The following PTGDR variants were observed in gnomAD, a reference collection of about 807,000 sequenced individuals.
PTGDR encodes prostaglandin D2 receptor.
Under a neutral mutation model 17.4 loss-of-function variants are expected in PTGDR, and 19 were observed. That is an observed-to-expected ratio of 1.09 (90% CI 0.76 to 1.60). PTGDR has a LOEUF of 1.60. PTGDR is among the 40% of genes most tolerant of loss of function. The pLI is 0.00. For synonymous variants in PTGDR, 267 were observed against 224.2 expected (o/e 1.19, Z -1.71); for missense variants, 526 against 481.9 (o/e 1.09, Z -0.86).
intron 1 of PTGDR, among the ~76,000 whole-genome samples, 172 bp from the exon 2 acceptor site, chr14:52,274,559 G>T (rs1183236980): frequency 6.6e-6 from 1 of 152,042 alleles, no homozygotes; most frequent in Non-Finnish European, 1.5e-5. Flanking sequence ...CACCTTCCCA[G>T]CTCCCCACTT....
chr14:52,270,286 G>A (rs41312464), intron 1 of PTGDR, among the ~76,000 whole-genome samples: 2,001 of 152,234 alleles, frequency 0.013, 25 homozygotes, highest in Non-Finnish European at 0.024. Flanking sequence ...GGTGACTCAC[G>A]CCTGTAATCA....
Position 52,275,170 on chromosome 14 carries a change from A to T in PTGDR, c.*206A>T, listed in dbSNP as rs1450057964. The T allele has an allele frequency of 2.0e-6, 1 of 496,342 alleles. No homozygotes were observed. Among genetic ancestry groups the T allele is most frequent in the Admixed American group, 3.7e-5 (1 of 27,246 alleles). 30.7% of individuals were successfully genotyped at this position (496,342 alleles called of 1,614,324 possible). On this transcript the variant is annotated 3_prime_UTR_variant, in exon 2 of 2. Transcript: ENST00000306051. The stretch of plus-strand genomic sequence containing the variant: ...TCATGAACCCCTTCAGTGCATTTTC[A>T]TTTTTTTATTAACAGCAACTAAAAT...
Position 52,267,755 on chromosome 14 carries a change from C to A in PTGDR, c.-60C>A. 6.7e-7 allele frequency: 1 copy of A among 1,488,770 alleles called. No homozygotes were observed. The highest frequency in any genetic ancestry group is 8.9e-7 in the Non-Finnish European group (1 of 1,123,222). The allele number at this position is 1,488,770 out of a possible 1,614,324, so 92.2% of individuals were successfully genotyped here. A position where few individuals can be genotyped will look rare whatever the true frequency, so the allele number is the denominator to read the frequency against. ...GAGCTGCCGGGGGCTCCTTAGCACC[C>A]GGGCGCCGGGGCCCTCGCCCTTCCG... On this transcript the variant is annotated 5_prime_UTR_variant, in exon 1 of 2. Transcript: ENST00000306051.
Position 52,267,811 on chromosome 14 carries a change from C to A in PTGDR, c.-4C>A. On this transcript the variant is annotated 5_prime_UTR_variant, in exon 1 of 2. Coordinates refer to ENST00000306051, the MANE Select transcript of PTGDR (RefSeq NM_000953.3). The stretch of plus-strand genomic sequence containing the variant: ...TTCACTCCAGCCCTCTGCTCCCGCA[C>A]GCCATGAAGTCGCCGTTCTACCGCT... 6.5e-7 allele frequency: 1 copy of A among 1,549,412 alleles called. No homozygotes were observed. Among genetic ancestry groups the A allele is most frequent in the Non-Finnish European group, 8.7e-7 (1 of 1,147,402 alleles).
downstream of PTGDR, among the ~76,000 whole-genome samples, chr14:52,277,585 A>C (rs530039747): frequency 2.6e-5 from 4 of 152,338 alleles, no homozygotes; most frequent in South Asian, 8.3e-4. Flanking sequence ...CCCTTTCTTG[A>C]TAGCAACCCA....
chr14:52,272,304 C>CA lies in PTGDR; in HGVS notation c.847-2419dup, dbSNP rs978343195. ...GCAACACAGTGAGACCCTGCCTCTACAAAAAAAATAAAAATAACTAGCCAG... is the reference window on the plus strand; with the variant it reads ...GCAACACAGTGAGACCCTGCCTCTACAAAAAAAAATAAAAATAACTAGCCAG... On this transcript the variant is annotated intron_variant, in intron 1 of 1. Transcript: ENST00000306051. Among the ~76,000 whole-genome samples the CA allele has an allele frequency of 1.1e-4, 17 of 151,164 alleles. 1 individual carries two copies. The highest frequency in any genetic ancestry group is 3.3e-4 in the Admixed American group (5 of 15,196).
intron 1 of PTGDR, among the ~76,000 whole-genome samples, chr14:52,273,617 T>G (rs41312484): frequency 6.6e-6 from 1 of 152,040 alleles, no homozygotes; most frequent in Non-Finnish European, 1.5e-5. Context: ...ATGCACTAGA[T>G]TGGAGTGGCT....
rs773547715 is a variant in PTGDR, at chr14:52,268,577, C to T, written c.763C>T (p.Pro255Ser). Residue 255 changes from proline to serine, a missense_variant, in exon 1 of 2, where the codon CCT (proline) becomes TCT (serine). By Grantham distance (74) the Pro-to-Ser change is moderately conservative. Coordinates refer to ENST00000306051, the MANE Select transcript of PTGDR (RefSeq NM_000953.3). ...EPRADGREAS[P>S]QPLEELDHLL... Reference sequence around the variant, plus strand: ...GCGCGCGGACGGGAGGGAAGCGTCCCCTCAGCCCCTGGAGGAGCTGGATCA... The same window carrying T: ...GCGCGCGGACGGGAGGGAAGCGTCCTCTCAGCCCCTGGAGGAGCTGGATCA... 2 of 1,612,198 alleles carry T rather than the reference C, an allele frequency of 1.2e-6. No homozygotes were observed. The highest frequency in any genetic ancestry group is 2.2e-5 in the East Asian group (1 of 44,876).
At position 52,268,239 on chromosome 14, in the gene PTGDR, G is replaced by A; in HGVS notation, c.425G>A (p.Arg142Gln). The change falls in exon 1 of 2, where the codon CGG becomes CAG. Residue 142 changes from arginine (R) to glutamine (Q), a missense_variant. Coordinates refer to ENST00000306051, the MANE Select transcript of PTGDR (RefSeq NM_000953.3). ...LSLGHPFFYR[R>Q]HITLRLGALV... ...CTAGGGCACCCTTTCTTCTACCGAC[G>A]GCACATCACCCTGCGCCTGGGCGCA... is the stretch of plus-strand genomic sequence containing the variant. The A allele has an allele frequency of 1.2e-6, 2 of 1,614,000 alleles. No homozygotes were observed. The highest frequency in any genetic ancestry group is 1.3e-5 in the African/African-American group (1 of 75,060).
At chr14:52,269,487 A>G in intron 1 of PTGDR, 1 of 1,535,312 alleles carries the variant, frequency 6.5e-7, no homozygotes, top group Non-Finnish European at 8.7e-7. Flanking sequence ...GACACCTGGG[A>G]GTAGGTGAGG....
chr14:52,278,962 C>A (rs147176052), downstream of PTGDR, among the ~76,000 whole-genome samples: 146 of 152,196 alleles, frequency 9.6e-4, no homozygotes, highest in Non-Finnish European at 1.7e-3. Flanking sequence ...TTTAAACTTT[C>A]ATAATTTGAC....
At chr14:52,280,120 T>A (rs1407512888), downstream of PTGDR, among the ~76,000 whole-genome samples, 1 of 152,220 alleles carries the variant, frequency 6.6e-6, no homozygotes, top group Non-Finnish European at 1.5e-5. Flanking sequence ...AAATCAGCGA[T>A]AATTGATGTT....
At position 52,268,307 on chromosome 14, in the gene PTGDR, G is replaced by C. The variant is rs1365693262; in HGVS notation, c.493G>C (p.Ala165Pro). 22 of 1,613,904 alleles carry C rather than the reference G, an allele frequency of 1.4e-5. No homozygotes were observed. Among genetic ancestry groups the C allele is most frequent in the Non-Finnish European group, 1.9e-5 (22 of 1,180,038 alleles). Reference sequence around the variant, plus strand: ...GAGCGCCTTCTCCCTGGCTTTCTGCGCGCTACCTTTCATGGGCTTCGGGAA... The same window carrying C: ...GAGCGCCTTCTCCCTGGCTTTCTGCCCGCTACCTTTCATGGGCTTCGGGAA... ...VVSAFSLAFC[A>P]LPFMGFGKFV... is the part of the protein sequence containing the mutation. Residue 165 changes from alanine (A) to proline (P), a missense_variant, in exon 1 of 2, where the codon GCG becomes CCG. By Grantham distance (27) the Ala-to-Pro change is conservative (BLOSUM62 -1). Coordinates refer to ENST00000306051, the MANE Select transcript of PTGDR (RefSeq NM_000953.3).
At chr14:52,272,923 G>A (rs931722778) in intron 1 of PTGDR, among the ~76,000 whole-genome samples, 5 of 152,014 alleles carry the variant, frequency 3.3e-5, no homozygotes, top group African/African-American at 9.7e-5. Context: ...GTATATACAC[G>A]CACACCCTCT....
intron 1 of PTGDR, among the ~76,000 whole-genome samples, chr14:52,269,837 A>G (rs2033291556): frequency 6.6e-6 from 1 of 152,244 alleles, no homozygotes; most frequent in Non-Finnish European, 1.5e-5. Context: ...ATGTAGATAT[A>G]GGCGCAGATG....
In PTGDR at chr14:52,268,453, C is replaced by T; in HGVS notation, c.639C>T (p.Ala213=). ...YSSLMALLVL[A]TVLCNLGAMR... ...GCCTCATGGCGCTGCTGGTCCTCGC[C>T]ACCGTGCTGTGCAACCTCGGCGCCA... Residue 213 remains alanine, a synonymous_variant, in exon 1 of 2, where the codon GCC becomes GCT. Transcript: ENST00000306051. The T allele has an allele frequency of 6.2e-7, 1 of 1,610,026 alleles. No individual in the cohort carries two copies. The highest frequency in any genetic ancestry group is 1.1e-5 in the South Asian group (1 of 91,082).
chr14:52,273,497 A>G (rs188641321), intron 1 of PTGDR, among the ~76,000 whole-genome samples: 1 of 151,526 alleles, frequency 6.6e-6, no homozygotes, highest in East Asian at 1.9e-4. Flanking sequence ...ATCAAATACA[A>G]TATTTATGTT....
chr14:52,276,385 C>T lies in PTGDR; in HGVS notation c.*1421C>T, dbSNP rs2033426376. 6.6e-6 allele frequency: 1 copy of T among 152,194 alleles called. No individual in the cohort carries two copies. The highest frequency in any genetic ancestry group is 3.2e-3 in the Middle Eastern group (1 of 316). 9.4% of individuals were successfully genotyped at this position (152,194 alleles called of 1,614,324 possible). The stretch of plus-strand genomic sequence containing the variant: ...AGTACTCATGTTTATTTATTTCCAA[C>T]TGAGCAGCAACCTCCTTTGTTTCAC... On this transcript the variant is annotated 3_prime_UTR_variant, in exon 2 of 2. Coordinates refer to ENST00000306051, the MANE Select transcript of PTGDR (RefSeq NM_000953.3).
At chr14:52,280,076 G>C (rs769182326), downstream of PTGDR, among the ~76,000 whole-genome samples, 3 of 152,086 alleles carry the variant, frequency 2.0e-5, no homozygotes, top group Non-Finnish European at 2.9e-5. Context: ...AAGTACTAAA[G>C]TATGAGTTAT....
Sources: allele counts gnomAD v4.1 joint callset (sites outside exome capture counted in the v4.1 genomes callset), GRCh38; gene constraint gnomAD v4.1.1; transcripts MANE v1.5; gene names NCBI Gene and HGNC (gene_info 2026-07-23, HGNC 2026-07-21).